GLT1D1: variants seen among roughly 807,000 people sequenced by gnomAD.
GLT1D1 encodes glycosyltransferase 1 domain-containing protein 1.
A neutral mutation model predicts 28.7 loss-of-function variants in GLT1D1; 21 were observed. The observed-to-expected ratio is 0.73, with a 90% CI of 0.52 to 1.05. The LOEUF is 1.05. Ranked by LOEUF, GLT1D1 falls within the 50% of genes least tolerant of loss-of-function variation. The probability of loss-of-function intolerance (pLI) is 0.00; values close to 1 mark genes in which losing one functional copy is unlikely to be tolerated. For synonymous variants in GLT1D1, 147 were observed against 124.8 expected (o/e 1.18, Z -1.19); for missense variants, 343 against 330.6 (o/e 1.04, Z -0.29).
chr12:128,874,124 C>CCCTTTCTT (rs1555261647), intron 1 of GLT1D1, among the ~76,000 whole-genome samples: 5 of 39,282 alleles, frequency 1.3e-4, no homozygotes, highest in African/African-American at 4.5e-4. Context: ...CTCTCTCTCT[C>CCCTTTCTT]TCTTTCTTTC....
chr12:128,907,329 C>G (rs1033155088), intron 4 of GLT1D1, among the ~76,000 whole-genome samples: 2 of 142,962 alleles, frequency 1.4e-5, no homozygotes, highest in African/African-American at 5.2e-5. Context: ...TTTTTGAGAC[C>G]GAGTCTCGCT....
At chr12:128,954,651 A>C (rs749393218) in intron 6 of GLT1D1, among the ~76,000 whole-genome samples, 1 of 152,196 alleles carries the variant, frequency 6.6e-6, no homozygotes, top group Non-Finnish European at 1.5e-5. Context: ...ATTCTGTAGT[A>C]TTAAGCCATT....
At chr12:128,956,218 C>T (rs190144755) in intron 6 of GLT1D1, among the ~76,000 whole-genome samples, 30 of 140,516 alleles carry the variant, frequency 2.1e-4, no homozygotes, top group African/African-American at 5.5e-4. Context: ...GTTAAAAATG[C>T]GTTAAATACC....
chr12:128,958,830 CTTTTTTT>C (rs71072432), intron 7 of GLT1D1, among the ~76,000 whole-genome samples: 1 of 83,856 alleles, frequency 1.2e-5, no homozygotes, highest in Non-Finnish European at 2.1e-5. Context: ...AAATAAAAAT[CTTTTTTT>C]TTTTTTTTTT....
At chr12:128,961,262 A>C (rs926128808) in intron 7 of GLT1D1, among the ~76,000 whole-genome samples, 9 of 152,204 alleles carry the variant, frequency 5.9e-5, no homozygotes, top group African/African-American at 2.2e-4. Context: ...CAAGCTGGAG[A>C]TGCAGGAAAG....
chr12:128,894,377 G>C (rs1869398956), intron 3 of GLT1D1, among the ~76,000 whole-genome samples: 1 of 152,126 alleles, frequency 6.6e-6, no homozygotes, highest in Non-Finnish European at 1.5e-5. Flanking sequence ...CTGCTGCAGG[G>C]AAGGAATCAT....
chr12:128,868,434 C>T (rs778399278), intron 1 of GLT1D1, among the ~76,000 whole-genome samples: 6 of 152,180 alleles, frequency 3.9e-5, no homozygotes, highest in Non-Finnish European at 5.9e-5. Flanking sequence ...CGTGTGGGAA[C>T]AGACACTAGA....
At chr12:128,938,155 G>C (rs140843941) in intron 4 of GLT1D1, among the ~76,000 whole-genome samples, 199 of 152,286 alleles carry the variant, frequency 1.3e-3, no homozygotes, top group African/African-American at 4.5e-3. Context: ...TGTGATCCTG[G>C]TTAAGTTATA....
chr12:128,896,622 C>A (rs940322793), intron 3 of GLT1D1, among the ~76,000 whole-genome samples: 1 of 144,266 alleles, frequency 6.9e-6, no homozygotes, highest in Non-Finnish European at 1.5e-5. Flanking sequence ...GCTCTGTTGC[C>A]AGGCTGGAGT....
rs1565924861 is a variant in GLT1D1 at position 128,973,178 on chromosome 12, G to GTT, written c.640-9751_640-9750insTT. ...TCTTTTCTGTTTTGTTTGTTTGCTTGGTTTTTTTTTTTTTTTTTTTTTTTT... is the reference window on the plus strand; with the variant it reads ...TCTTTTCTGTTTTGTTTGTTTGCTTGTTGTTTTTTTTTTTTTTTTTTTTTTTT... On this transcript the variant is annotated intron_variant, in intron 7 of 7. Transcript: ENST00000281703. Among the ~76,000 whole-genome samples the GTT allele has an allele frequency of 1.2e-4, 10 of 83,732 alleles. No homozygotes were observed. The East Asian group carries it at 2.9e-3, about 24-fold the overall frequency. 54.9% of individuals were successfully genotyped at this position (83,732 alleles called of 152,430 possible).
At chr12:128,867,458 C>A (rs1363927674) in intron 1 of GLT1D1, among the ~76,000 whole-genome samples, 1 of 149,658 alleles carries the variant, frequency 6.7e-6, no homozygotes, top group African/African-American at 2.5e-5. Context: ...AGAGTTGGCA[C>A]CTGGAGGGCA....
At chr12:128,935,584 T>C (rs1874469763) in intron 4 of GLT1D1, among the ~76,000 whole-genome samples, 1 of 151,978 alleles carries the variant, frequency 6.6e-6, no homozygotes, top group African/African-American at 2.4e-5. Flanking sequence ...GTTCTTAGAT[T>C]GCCTAAAATG....
chr12:128,890,704 T>A (rs768707788), intron 3 of GLT1D1, among the ~76,000 whole-genome samples: 8 of 149,250 alleles, frequency 5.4e-5, no homozygotes, highest in Non-Finnish European at 7.4e-5. Flanking sequence ...AGAATCACTT[T>A]AACCCAGGAG....
At chr12:128,975,543 C>T (rs1879691594) in intron 7 of GLT1D1, among the ~76,000 whole-genome samples, 1 of 152,154 alleles carries the variant, frequency 6.6e-6, no homozygotes, top group South Asian at 2.1e-4. Context: ...CTCCAGGTCC[C>T]TGGTTCAAGC....
At chr12:128,982,462 C>T (rs1304852356) in intron 7 of GLT1D1, among the ~76,000 whole-genome samples, 2 of 152,088 alleles carry the variant, frequency 1.3e-5, no homozygotes, top group East Asian at 3.9e-4. Context: ...GGGAAGAGGA[C>T]AGAACAACAC....
chr12:128,936,017 C>G (rs1874516615), intron 4 of GLT1D1, among the ~76,000 whole-genome samples: 1 of 152,154 alleles, frequency 6.6e-6, no homozygotes, highest in African/African-American at 2.4e-5. Flanking sequence ...TCAGTTTCCC[C>G]ATCTATAAAA....
chr12:128,879,861 T>C (rs1416428728), intron 2 of GLT1D1, among the ~76,000 whole-genome samples: 3 of 152,356 alleles, frequency 2.0e-5, no homozygotes, highest in African/African-American at 7.2e-5. Flanking sequence ...TAGCTACTTT[T>C]CCAAATCCAC....
intron 1 of GLT1D1, among the ~76,000 whole-genome samples, chr12:128,855,971 C>T (rs552268066): frequency 5.3e-5 from 8 of 152,058 alleles, no homozygotes; most frequent in East Asian, 3.9e-4. Context: ...AGGCTGGTCT[C>T]GAACTCCTGA....
Position 128,876,176 on chromosome 12 carries a change from G to A in GLT1D1, c.217+114G>A, listed in dbSNP as rs1303708488. 5.5e-6 allele frequency: 5 copies of A among 904,416 alleles called. No homozygotes were observed. In the Admixed American group the frequency reaches 1.1e-4, roughly 19 times the overall value. The allele number at this position is 904,416 out of a possible 1,614,324, so 56.0% of individuals were successfully genotyped here. A position where few individuals can be genotyped will look rare whatever the true frequency, so the allele number is the denominator to read the frequency against. On this transcript the variant is annotated intron_variant, in intron 2 of 7. Transcript: ENST00000281703. ...TCCTTTTTATCCAGTTCAGAAATGG[G>A]AGACATGCAATAATCTCTTTGGTTT...
Sources: gnomAD v4.1 joint callset for allele counts (sites outside exome capture counted in the v4.1 genomes callset) on GRCh38, gnomAD v4.1.1 for gene constraint, MANE v1.5 for transcripts, NCBI Gene and HGNC (gene_info 2026-07-23, HGNC 2026-07-21) for gene names.